PCDHGB6: variants seen among roughly 807,000 people sequenced by gnomAD.
The protein encoded by PCDHGB6 is protocadherin gamma subfamily B, 6.
In PCDHGB6, 51 loss-of-function variants were observed where a neutral mutation model predicts 59.1. That is an observed-to-expected ratio of 0.86 (90% CI 0.69 to 1.09). The LOEUF (loss-of-function observed/expected upper bound fraction) is 1.09. Ranked by LOEUF, PCDHGB6 falls within the 50% of genes least tolerant of loss-of-function variation. PCDHGB6 has a pLI of 0.00. For missense variants in PCDHGB6, 1,148 were observed against 1,205.1 expected, an observed-to-expected ratio of 0.95 and a Z score of 0.70; for synonymous variants, 466 against 495.1, an observed-to-expected ratio of 0.94 and a Z score of 0.78.
rs1369821635 is a variant in PCDHGB6, at chr5:141,512,208, G to T, written c.*1035G>T. ...TTCAGTCCAAGGAAGCTCGAAGCAG[G>T]TTTAGGACCAGGTCCCCTTGAGAGG... On this transcript the variant is annotated 3_prime_UTR_variant, in exon 4 of 4. Coordinates refer to ENST00000520790, the MANE Select transcript of PCDHGB6 (RefSeq NM_018926.3). 6.5e-6 allele frequency: 1 copy of T among 152,758 alleles called. No homozygotes were observed. The highest frequency in any genetic ancestry group is 2.4e-5 in the African/African-American group (1 of 41,454). The allele number at this position is 152,758 out of a possible 1,614,324, so 9.5% of individuals were successfully genotyped here.
chr5:141,436,931 G>A (rs1026520169), intron 1 of PCDHGB6, among the ~76,000 whole-genome samples: 1 of 152,114 alleles, frequency 6.6e-6, no homozygotes, highest in Non-Finnish European at 1.5e-5. Context: ...CTTTTTCTTT[G>A]TCTGAACCAT....
Position 141,409,984 on chromosome 5 carries a change from GGACGCC to G in PCDHGB6, c.1786_1791del (p.Ala596_Asp597del), listed in dbSNP as rs2095344357. ...ACCTAGTGACTAAGGTGGTAGCGGT[GGACGCC>G]GACTCGGGACACAACGCCTGGCTGT... On this transcript the variant is annotated inframe_deletion, in exon 1 of 4. Coordinates refer to ENST00000520790, the MANE Select transcript of PCDHGB6 (RefSeq NM_018926.3). 6.2e-7 allele frequency: 1 copy of G among 1,613,210 alleles called. No individual in the cohort carries two copies. Among genetic ancestry groups the G allele is most frequent in the Admixed American group, 1.7e-5 (1 of 60,010 alleles).
At position 141,409,589 on chromosome 5, in the gene PCDHGB6, G is replaced by A. The variant is rs1487343349; in HGVS notation, c.1387G>A (p.Glu463Lys). The A allele has an allele frequency of 7.4e-6, 12 of 1,613,758 alleles. No individual in the cohort carries two copies. Among genetic ancestry groups the A allele is most frequent in the East Asian group, 4.5e-5 (2 of 44,892 alleles). Residue 463 changes from glutamate to lysine, a missense_variant, in exon 1 of 4, where the codon GAG (glutamate) becomes AAG (lysine). Glu to Lys is a moderately conservative substitution (Grantham distance 56). Around this residue, in one of 5 missense-constraint regions of PCDHGB6, gnomAD observed 549 missense variants for 527.5 expected, o/e 1.04. Coordinates refer to ENST00000520790, the MANE Select transcript of PCDHGB6 (RefSeq NM_018926.3). ...GACGTCCTACGTGGTCCACGTGGCC[G>A]AGAACAACCCGCCAGGAGCCTCCAT... ...DQTSYVVHVAENNPPGASIAQ... is the reference protein window; with the variant it reads ...DQTSYVVHVAKNNPPGASIAQ...
At chr5:141,500,256 T>C (rs1045685908) in intron 2 of PCDHGB6, among the ~76,000 whole-genome samples, 1 of 151,676 alleles carries the variant, frequency 6.6e-6, no homozygotes, top group Non-Finnish European at 1.5e-5. Flanking sequence ...TCACCCAGGC[T>C]GGACTGCAGT....
intron 1 of PCDHGB6, among the ~76,000 whole-genome samples, chr5:141,483,466 A>C (rs1212605130): frequency 6.6e-6 from 1 of 152,188 alleles, no homozygotes. Context: ...GTTGATTGAC[A>C]TGATATAGGA....
chr5:141,425,528 C>CA (rs890632943), intron 1 of PCDHGB6, among the ~76,000 whole-genome samples: 1 of 152,200 alleles, frequency 6.6e-6, no homozygotes, highest in African/African-American at 2.4e-5. Context: ...AAACATGAAA[C>CA]AATAATCCTT....
In PCDHGB6 at chr5:141,409,632, C is replaced by G. The variant is rs1279542488; in HGVS notation, c.1430C>G (p.Ser477Cys). 1 of 1,613,848 alleles carries G rather than the reference C, an allele frequency of 6.2e-7. No individual in the cohort carries two copies. Among genetic ancestry groups the G allele is most frequent in the East Asian group, 2.2e-5 (1 of 44,888 alleles). The change falls in exon 1 of 4, where the codon TCT (serine) becomes TGT (cysteine). Residue 477 changes from serine to cysteine, a missense_variant. Ser to Cys is a moderately radical substitution (Grantham distance 112). Transcript: ENST00000520790. ...GCCTCCATTGCGCAAGTGAGCGCCT[C>G]TGACCCGGATTTGGGGCTCAATGGC... is the stretch of plus-strand genomic sequence containing the variant. ...PGASIAQVSA[S>C]DPDLGLNGHI...
At chr5:141,447,400 A>G (rs904985523) in intron 1 of PCDHGB6, among the ~76,000 whole-genome samples, 1 of 152,090 alleles carries the variant, frequency 6.6e-6, no homozygotes, top group Non-Finnish European at 1.5e-5. Flanking sequence ...GGCCTCCCAA[A>G]GTGCTGGGAT....
rs1014758036 is a variant in PCDHGB6 at position 141,486,472 on chromosome 5, T to C, written c.2419-8335T>C. The C allele has an allele frequency of 6.2e-7, 1 of 1,614,032 alleles. No homozygotes were observed. Among genetic ancestry groups the C allele is most frequent in the Non-Finnish European group, 8.5e-7 (1 of 1,179,862 alleles). ...TCACTGCTTCTGATGCTGGGAACCC[T>C]CCTCTCAGTACCCACAGAACTATTT... On this transcript the variant is annotated intron_variant, in intron 1 of 3. Coordinates refer to ENST00000520790, the MANE Select transcript of PCDHGB6 (RefSeq NM_018926.3). This position sits in a 1 kb window ranked among gnomAD's most constrained non-coding sequence, Gnocchi z 5.0.
intron 1 of PCDHGB6, chr5:141,414,696 A>T: frequency 6.2e-7 from 1 of 1,613,982 alleles, no homozygotes; most frequent in Non-Finnish European, 8.5e-7. Flanking sequence ...CTCTGTCCTC[A>T]TACATATCCA....
Position 141,511,315 on chromosome 5 carries a change from G to A in PCDHGB6, c.*142G>A. ...AAGGCCATGCTCCCCTTGGGAAACA[G>A]AAACAAGTGCCCAGTCAGCACCTAC... On this transcript the variant is annotated 3_prime_UTR_variant, in exon 4 of 4. Coordinates refer to ENST00000520790, the MANE Select transcript of PCDHGB6 (RefSeq NM_018926.3). 6.8e-7 allele frequency: 1 copy of A among 1,481,384 alleles called. No individual in the cohort carries two copies. Among genetic ancestry groups the A allele is most frequent in the Non-Finnish European group, 9.0e-7 (1 of 1,110,974 alleles). 91.8% of individuals were successfully genotyped at this position (1,481,384 alleles called of 1,614,324 possible).
chr5:141,409,156 A>G lies in PCDHGB6; in HGVS notation c.954A>G (p.Glu318=), dbSNP rs771600341. ...DFEDVERYTM[E]VEAKDGGGLS... is the part of the protein sequence containing the mutation. ...AAGATGTAGAAAGGTACACCATGGA[A>G]GTGGAAGCGAAGGACGGAGGTGGTC... Residue 318 remains glutamate, a synonymous_variant, in exon 1 of 4, where the codon GAA becomes GAG. Transcript: ENST00000520790. 6.2e-7 allele frequency: 1 copy of G among 1,613,986 alleles called. No homozygotes were observed. Among genetic ancestry groups the G allele is most frequent in the Non-Finnish European group, 8.5e-7 (1 of 1,179,890 alleles).
intron 1 of PCDHGB6, among the ~76,000 whole-genome samples, chr5:141,456,862 C>T (rs1385304686): frequency 6.6e-6 from 1 of 152,086 alleles, no homozygotes; most frequent in Non-Finnish European, 1.5e-5. Context: ...AATTGGGAGG[C>T]TGAGGCAGGA....
chr5:141,425,490 G>T (rs2096878933), intron 1 of PCDHGB6, among the ~76,000 whole-genome samples: 1 of 152,122 alleles, frequency 6.6e-6, no homozygotes, highest in Non-Finnish European at 1.5e-5. Context: ...AACCTACTAG[G>T]CTATACCTTT....
intron 2 of PCDHGB6, among the ~76,000 whole-genome samples, chr5:141,499,772 C>T (rs1217675128): frequency 1.0e-4 from 15 of 147,946 alleles, no homozygotes; most frequent in Admixed American, 9.0e-4. Context: ...CTGCAGCCTT[C>T]GCCTCCCGGG....
chr5:141,487,348 C>T lies in PCDHGB6; in HGVS notation c.2419-7459C>T, dbSNP rs929693998. ...GTGGGGCAGCCTGTGGAGTCACATG[C>T]TTTCCTGCTGGCACCTGTGCCTGTC... On this transcript the variant is annotated intron_variant, in intron 1 of 3. Coordinates refer to ENST00000520790, the MANE Select transcript of PCDHGB6 (RefSeq NM_018926.3). The surrounding 1 kb of genome is among the most constrained non-coding windows in gnomAD (Gnocchi z 5.0). The T allele has an allele frequency of 2.5e-6, 4 of 1,614,080 alleles. No homozygotes were observed. The highest frequency in any genetic ancestry group is 2.2e-5 in the East Asian group (1 of 44,882).
At chr5:141,416,132 A>C in intron 1 of PCDHGB6, 1 of 154,082 alleles carries the variant, frequency 6.5e-6, no homozygotes, top group Non-Finnish European at 1.4e-5. Context: ...ATATTTTTCA[A>C]TCTATACTTT....
intron 1 of PCDHGB6, among the ~76,000 whole-genome samples, chr5:141,488,139 T>A (rs906194527): frequency 6.6e-6 from 1 of 152,084 alleles, no homozygotes; most frequent in Non-Finnish European, 1.5e-5. Context: ...AGGAGAGAAC[T>A]AAAGGAATAG....
At chr5:141,428,241 A>C (rs1416124194) in intron 1 of PCDHGB6, 1 of 961,518 alleles carries the variant, frequency 1.0e-6, no homozygotes, top group Admixed American at 2.0e-5. Flanking sequence ...TGCAGGAGGC[A>C]CTGCCAGACT....
Sources: allele counts gnomAD v4.1 joint callset (sites outside exome capture counted in the v4.1 genomes callset), GRCh38; gene constraint gnomAD v4.1.1; regional missense constraint gnomAD v4.1.1; non-coding constraint Gnocchi (gnomAD v3.1); transcripts MANE v1.5; gene names NCBI Gene and HGNC (gene_info 2026-07-23, HGNC 2026-07-21).